Variants in NLGN4X observed in about 807,000 individuals in gnomAD.
The protein encoded by NLGN4X is neuroligin-4, X-linked.
NLGN4X carries 3 observed loss-of-function variants against 40.3 expected under a neutral mutation model. That is an observed-to-expected ratio of 0.07 (90% confidence interval 0.03 to 0.19). The LOEUF is 0.19. Among genes scored for constraint, NLGN4X ranks in the 10% least tolerant of loss-of-function variants. NLGN4X has a pLI of 1.00. For missense variants in NLGN4X, 382 were observed against 708.3 expected (o/e 0.54, Z 5.23); for synonymous variants, 270 against 306.8 (o/e 0.88, Z 1.25).
At position 5,934,645 on chromosome X, in the gene NLGN4X, C is replaced by T. The variant is rs993306068; in HGVS notation, c.626-25406G>A. 2.7e-5 allele frequency among the ~76,000 whole-genome samples: 3 copies of T among 112,016 alleles called. No individual in the cohort carries two copies. The East Asian group carries it at 8.4e-4, about 32-fold the overall frequency. On this transcript the variant is annotated intron_variant, in intron 3 of 5. Transcript: ENST00000381095. The stretch of plus-strand genomic sequence containing the variant: ...CTAAGAAGAGGACCAAGCTAGGCTC[C>T]ACTGCACCAGGATTTCTGACCTACA...
chrX:6,206,048 G>A (rs1924006598), intron 1 of NLGN4X, among the ~76,000 whole-genome samples: 1 of 111,642 alleles, frequency 9.0e-6, no homozygotes. Flanking sequence ...CTGGAGACAG[G>A]TCCAACTCAC....
At chrX:5,993,930 T>C (rs1469297223) in intron 3 of NLGN4X, among the ~76,000 whole-genome samples, 4 of 111,582 alleles carry the variant, frequency 3.6e-5, no homozygotes, top group Non-Finnish European at 5.7e-5. Context: ...CTGGAAATCA[T>C]ATATGCCTCC....
At chrX:6,219,701 T>C (rs1187850776) in intron 1 of NLGN4X, among the ~76,000 whole-genome samples, 2 of 109,614 alleles carry the variant, frequency 1.8e-5, no homozygotes. Flanking sequence ...CTTTATTCTA[T>C]TTGGATGAGT....
chrX:6,090,867 A>ATGCATAGGACACCTCCTACAC (rs2038620334), intron 2 of NLGN4X, among the ~76,000 whole-genome samples: 1 of 112,155 alleles, frequency 8.9e-6, no homozygotes, highest in African/African-American at 3.2e-5. Flanking sequence ...ACCTCCTACA[A>ATGCATAGGACACCTCCTACAC]TGCATAGGAC....
chrX:6,207,834 G>A (rs1326772160), intron 1 of NLGN4X, among the ~76,000 whole-genome samples: 1 of 111,539 alleles, frequency 9.0e-6, no homozygotes, highest in African/African-American at 3.3e-5. Flanking sequence ...AATTAAAAAC[G>A]ATATTATAAA....
At chrX:6,118,256 C>T (rs1333262375) in intron 2 of NLGN4X, among the ~76,000 whole-genome samples, 1 of 111,306 alleles carries the variant, frequency 9.0e-6, no homozygotes, top group African/African-American at 3.3e-5. Flanking sequence ...TCTACATGCT[C>T]ATGTCTCCTG....
chrX:5,977,740 A>T (rs2035220497), intron 3 of NLGN4X, among the ~76,000 whole-genome samples: 1 of 111,283 alleles, frequency 9.0e-6, no homozygotes, highest in African/African-American at 3.3e-5. Context: ...CTGACTATAA[A>T]TTAGGTAGAT....
chrX:6,142,203 G>A (rs1602307927), intron 2 of NLGN4X, among the ~76,000 whole-genome samples: 1 of 112,388 alleles, frequency 8.9e-6, no homozygotes, highest in Middle Eastern at 4.8e-3. Context: ...AAGGGAAAAT[G>A]TTCTTTGTTA....
intron 2 of NLGN4X, among the ~76,000 whole-genome samples, chrX:6,110,766 C>T (rs1204306870): frequency 1.8e-5 from 2 of 111,834 alleles, no homozygotes; most frequent in Non-Finnish European, 3.8e-5. Context: ...GAGACTCTGG[C>T]TAACAAATTT....
intron 3 of NLGN4X, among the ~76,000 whole-genome samples, chrX:6,007,327 A>G (rs1417538528): frequency 1.8e-5 from 2 of 110,783 alleles, no homozygotes; most frequent in Non-Finnish European, 3.8e-5. Context: ...CAGGAGGTGG[A>G]AGGAGGAGGA....
intron 2 of NLGN4X, among the ~76,000 whole-genome samples, chrX:6,042,174 T>G (rs2037175800): frequency 1.8e-5 from 2 of 111,962 alleles, no homozygotes; most frequent in African/African-American, 6.5e-5. Context: ...TGTTTTTCTC[T>G]TAGTAGCTTT....
intron 1 of NLGN4X, among the ~76,000 whole-genome samples, chrX:6,221,385 C>CTA (rs2147905564): frequency 1.9e-5 from 1 of 51,299 alleles, no homozygotes; most frequent in African/African-American, 8.7e-5. Context: ...ATTTTTCCTT[C>CTA]TTATATTATA....
chrX:5,971,537 A>G (rs1219518803), intron 3 of NLGN4X, among the ~76,000 whole-genome samples: 2 of 111,988 alleles, frequency 1.8e-5, no homozygotes, highest in Non-Finnish European at 3.8e-5. Context: ...ACTGATCCCA[A>G]GACAATTCAA....
At chrX:5,988,470 G>T (rs1324879895) in intron 3 of NLGN4X, among the ~76,000 whole-genome samples, 1 of 111,976 alleles carries the variant, frequency 8.9e-6, no homozygotes, top group East Asian at 2.8e-4. Context: ...ATTGGCGGGT[G>T]GGAATGTTCT....
At chrX:6,139,830 T>G (rs1348444067) in intron 2 of NLGN4X, among the ~76,000 whole-genome samples, 5 of 111,911 alleles carry the variant, frequency 4.5e-5, no homozygotes, top group African/African-American at 6.5e-5. Flanking sequence ...CTATGCTGAT[T>G]GCAAATAATG....
At chrX:6,103,737 A>T (rs912655736) in intron 2 of NLGN4X, among the ~76,000 whole-genome samples, 4 of 111,945 alleles carry the variant, frequency 3.6e-5, no homozygotes, top group Non-Finnish European at 7.5e-5. Flanking sequence ...ATGAAACCTG[A>T]TGTCAACGCA....
intron 2 of NLGN4X, among the ~76,000 whole-genome samples, chrX:6,094,893 G>A (rs768633843): frequency 1.4e-4 from 15 of 110,988 alleles, no homozygotes; most frequent in Middle Eastern, 4.6e-3. Flanking sequence ...TGCCAAGTCA[G>A]GGTAAATACA....
At chrX:5,949,650 G>A (rs1038431569) in intron 3 of NLGN4X, among the ~76,000 whole-genome samples, 2 of 112,085 alleles carry the variant, frequency 1.8e-5, no homozygotes, top group South Asian at 7.4e-4. Context: ...TAAGAATATA[G>A]ATGAAAACTC....
At chrX:6,097,758 C>T (rs1251731307) in intron 2 of NLGN4X, among the ~76,000 whole-genome samples, 2 of 111,435 alleles carry the variant, frequency 1.8e-5, no homozygotes, top group East Asian at 2.8e-4. Context: ...CTCCCTCATT[C>T]GATGGCTTAG....
Sources: allele counts gnomAD v4.1 joint callset (sites outside exome capture counted in the v4.1 genomes callset), GRCh38; gene constraint gnomAD v4.1.1; transcripts MANE v1.5; gene names NCBI Gene and HGNC (gene_info 2026-07-23, HGNC 2026-07-21).